OSBPL8: variants seen among roughly 807,000 people sequenced by gnomAD.
OSBPL8 encodes oxysterol binding protein like 8, also known as oxysterol-binding protein-related protein 8.
A neutral mutation model predicts 125.5 loss-of-function variants in OSBPL8; 59 were observed. The observed-to-expected ratio is 0.47, with a 90% CI of 0.38 to 0.58. OSBPL8 has a LOEUF of 0.58. Among genes scored for constraint, OSBPL8 ranks in the 20% least tolerant of loss-of-function variants. The pLI is 0.00. For missense variants in OSBPL8, 758 were observed against 1,047.8 expected, an observed-to-expected ratio of 0.72 and a Z score of 3.82; for synonymous variants, 330 against 338.9, an observed-to-expected ratio of 0.97 and a Z score of 0.29.
chr12:76,386,720 T>C (rs954220997), intron 12 of OSBPL8, 60 bp from the exon 13 acceptor site: 2 of 1,181,538 alleles, frequency 1.7e-6, no homozygotes, highest in Non-Finnish European at 2.5e-6. Flanking sequence ...CTCTCTCACA[T>C]TTATTAACCA....
rs781621038 is a variant in OSBPL8, at chr12:76,371,430, G to A, written c.2054+18C>T. On this transcript the variant is annotated intron_variant, in intron 19 of 23. Coordinates refer to ENST00000261183, the MANE Select transcript of OSBPL8 (RefSeq NM_020841.5). ...CTCTCTGATCCTCATGAAGTTAGCT[G>A]TAAAACAGTATACTTACTTCTCTGA... 1.3e-6 allele frequency: 2 copies of A among 1,584,552 alleles called. No individual in the cohort carries two copies. The highest frequency in any genetic ancestry group is 2.3e-5 in the East Asian group (1 of 44,422).
intron 4 of OSBPL8, among the ~76,000 whole-genome samples, chr12:76,437,073 A>C (rs1871545877): frequency 6.6e-6 from 1 of 152,128 alleles, no homozygotes. Context: ...CATTCCACTC[A>C]TGACAAACAT....
Position 76,397,890 on chromosome 12 carries a change from C to A in OSBPL8, c.476G>T (p.Gly159Val). Residue 159 changes from glycine to valine, a missense_variant, in exon 8 of 24, where the codon GGT becomes GTT. Gly to Val is a moderately radical substitution (Grantham distance 109). Around this residue, in one of 3 missense-constraint regions of OSBPL8, gnomAD observed 69 missense variants for 148.7 expected, o/e 0.46. Transcript: ENST00000261183. The part of the protein sequence containing the change: ...IVMADWLKIR[G>V]TLKSWTKLWC... ...TAACTTGGTCCAGCTCTTTAGAGTACCACGAATCTACAGAAAGATAAATTT... is the reference window on the plus strand; with the variant it reads ...TAACTTGGTCCAGCTCTTTAGAGTAACACGAATCTACAGAAAGATAAATTT... 1 of 1,612,758 alleles carries A rather than the reference C, an allele frequency of 6.2e-7. No homozygotes were observed.
intron 1 of OSBPL8, among the ~76,000 whole-genome samples, chr12:76,489,805 G>A (rs1372407143): frequency 6.6e-6 from 1 of 152,176 alleles, no homozygotes; most frequent in Admixed American, 6.5e-5. Flanking sequence ...ATTCAGTAAG[G>A]CCATAAGCTG....
At chr12:76,425,970 A>G (rs915185200) in intron 4 of OSBPL8, among the ~76,000 whole-genome samples, 1 of 152,164 alleles carries the variant, frequency 6.6e-6, no homozygotes, top group Non-Finnish European at 1.5e-5. Flanking sequence ...TTTATCTTCC[A>G]GCAATGTTGC....
intron 21 of OSBPL8, among the ~76,000 whole-genome samples, chr12:76,368,780 C>A (rs1952512314): frequency 6.6e-6 from 1 of 151,458 alleles, no homozygotes; most frequent in East Asian, 1.9e-4. Context: ...GAGATGAGTG[C>A]CTGTGTAAGT....
Position 76,389,755 on chromosome 12 carries a change from G to A in OSBPL8, c.1242C>T (p.Val414=), listed in dbSNP as rs567457942. 1 of 1,603,668 alleles carries A rather than the reference G, an allele frequency of 6.2e-7. No homozygotes were observed. Among genetic ancestry groups the A allele is most frequent in the South Asian group, 1.1e-5 (1 of 89,526 alleles). ...CCTTGGATAGGTCCATGCCAGGACG[G>A]ACTTGTTTCAATAGTGTCCAGATAA... is the stretch of plus-strand genomic sequence containing the variant. ...KSLIWTLLKQ[V]RPGMDLSKVV... The change falls in exon 12 of 24, where the codon GTC becomes GTT. Residue 414 remains valine (V), a synonymous_variant. Transcript: ENST00000261183.
At position 76,486,307 on chromosome 12, in the gene OSBPL8, G is replaced by A. The variant is rs771468941; in HGVS notation, c.42+1203C>T. Among the ~76,000 whole-genome samples, 5 of 152,104 alleles carry A rather than the reference G, an allele frequency of 3.3e-5. No individual in the cohort carries two copies. In the South Asian group the frequency reaches 6.3e-4, roughly 19 times the overall value. ...CACTAAACTAAAATTTACAAACACC[G>A]CAATCTAATAGTGACTCTCAATTCC... On this transcript the variant is annotated intron_variant, in intron 2 of 23. Coordinates refer to ENST00000261183, the MANE Select transcript of OSBPL8 (RefSeq NM_020841.5).
Position 76,390,517 on chromosome 12 carries a change from G to C in OSBPL8, c.1070C>G (p.Thr357Arg). 1 of 1,613,808 alleles carries C rather than the reference G, an allele frequency of 6.2e-7. No individual in the cohort carries two copies. The highest frequency in any genetic ancestry group is 8.5e-7 in the Non-Finnish European group (1 of 1,179,868). Reference protein sequence around the residue: ...MGKSEESDTDTSERQDDSYIE... With the variant: ...MGKSEESDTDRSERQDDSYIE... ...ATATGAGTCATCTTGTCTTTCTGAT[G>C]TATCTGTGTCACTTTCTTCACTTTT... is the stretch of plus-strand genomic sequence containing the variant. The change falls in exon 11 of 24, where the codon ACA (threonine) becomes AGA (arginine). Residue 357 changes from threonine (T) to arginine (R), a missense_variant. By Grantham distance (71) the Thr-to-Arg change is moderately conservative. Coordinates refer to ENST00000261183, the MANE Select transcript of OSBPL8 (RefSeq NM_020841.5).
rs1267509626 is a variant in OSBPL8 at position 76,399,969 on chromosome 12, T to C, written c.372A>G (p.Gln124=). 1 of 1,595,560 alleles carries C rather than the reference T, an allele frequency of 6.3e-7. No homozygotes were observed. Among genetic ancestry groups the C allele is most frequent in the East Asian group, 2.2e-5 (1 of 44,744 alleles). ...TCTTTTCTTCTCGGTAATTTTTCTT[T>C]TGTACCTATTTTATAGAAATAATAG... is the stretch of plus-strand genomic sequence containing the variant. ...KLTKKESLKV[Q]KKNYREEKKR... Residue 124 remains glutamine, a synonymous_variant, in exon 7 of 24, where the codon CAA becomes CAG. Transcript: ENST00000261183.
chr12:76,462,267 T>A (rs955840631), intron 2 of OSBPL8, among the ~76,000 whole-genome samples: 12 of 152,298 alleles, frequency 7.9e-5, no homozygotes, highest in African/African-American at 2.2e-4. Flanking sequence ...ACAGCTGTAC[T>A]CCTTACTTTT....
intron 1 of OSBPL8, among the ~76,000 whole-genome samples, chr12:76,534,704 A>C (rs148542904): frequency 1.3e-5 from 2 of 152,288 alleles, no homozygotes; most frequent in East Asian, 3.9e-4. Flanking sequence ...TAAACTATGC[A>C]AAGTTTTTTT....
chr12:76,489,866 T>C (rs986943472), intron 1 of OSBPL8, among the ~76,000 whole-genome samples: 5 of 152,184 alleles, frequency 3.3e-5, no homozygotes, highest in South Asian at 2.1e-4. Flanking sequence ...GAAAACCTAA[T>C]GGAAAAGATT....
At chr12:76,447,505 C>T (rs762478428) in intron 4 of OSBPL8, among the ~76,000 whole-genome samples, 7 of 151,918 alleles carry the variant, frequency 4.6e-5, no homozygotes, top group Non-Finnish European at 8.8e-5. Context: ...ATCAAACAAT[C>T]TAAAAAAGTC....
At position 76,390,406 on chromosome 12, in the gene OSBPL8, T is replaced by C. The variant is rs74475311; in HGVS notation, c.1167+14A>G. On this transcript the variant is annotated intron_variant, in intron 11 of 23. Coordinates refer to ENST00000261183, the MANE Select transcript of OSBPL8 (RefSeq NM_020841.5). ...TATGAAAATCCAGAACCTCTAAAAA[T>C]AGCAGACTTTTACCTCTCCAAGTTC... 933 of 1,543,066 alleles carry C rather than the reference T, an allele frequency of 6.0e-4. 5 individuals are homozygous for C. In the African/African-American group the frequency reaches 0.012, roughly 19 times the overall value.
chr12:76,376,222 G>A (rs1380573948), intron 16 of OSBPL8, among the ~76,000 whole-genome samples: 1 of 152,170 alleles, frequency 6.6e-6, no homozygotes, highest in Non-Finnish European at 1.5e-5. Flanking sequence ...TACAAAATAA[G>A]TTCTGTGGTT....
intron 4 of OSBPL8, among the ~76,000 whole-genome samples, chr12:76,439,407 T>C (rs1005629561): frequency 3.3e-5 from 5 of 151,730 alleles, no homozygotes; most frequent in Non-Finnish European, 5.9e-5. Flanking sequence ...ACAGCACACA[T>C]TCCAAACTCA....
intron 2 of OSBPL8, among the ~76,000 whole-genome samples, chr12:76,483,908 T>C (rs934838906): frequency 4.0e-5 from 6 of 151,820 alleles, no homozygotes; most frequent in Non-Finnish European, 8.8e-5. Context: ...CTCCTGACCT[T>C]AGGTGATCTG....
chr12:76,418,388 G>C (rs1356953758), intron 4 of OSBPL8, among the ~76,000 whole-genome samples: 1 of 151,992 alleles, frequency 6.6e-6, no homozygotes, highest in Non-Finnish European at 1.5e-5. Context: ...AGTATCTCTG[G>C]GGTACTTTAT....
Sources: allele counts gnomAD v4.1 joint callset (sites outside exome capture counted in the v4.1 genomes callset), GRCh38; gene constraint gnomAD v4.1.1; regional missense constraint gnomAD v4.1.1; transcripts MANE v1.5; gene names NCBI Gene and HGNC (gene_info 2026-07-23, HGNC 2026-07-21).